PKP4: variants seen among roughly 807,000 people sequenced by gnomAD.
PKP4 encodes plakophilin-4.
In PKP4, 90 loss-of-function variants were observed where a neutral mutation model predicts 145.1. The observed-to-expected ratio is 0.62, with a 90% CI of 0.52 to 0.74. The LOEUF is 0.74. Among genes scored for constraint, PKP4 ranks in the 30% least tolerant of loss-of-function variants. PKP4 has a pLI of 0.00. For missense variants in PKP4, 1,340 were observed against 1,482.7 expected, an observed-to-expected ratio of 0.90 and a Z score of 1.58; for synonymous variants, 563 against 577.2, an observed-to-expected ratio of 0.98 and a Z score of 0.35.
At chr2:158,566,506 T>G (rs2047003417) in intron 2 of PKP4, among the ~76,000 whole-genome samples, 1 of 146,080 alleles carries the variant, frequency 6.8e-6, no homozygotes, top group Non-Finnish European at 1.5e-5. Context: ...CCCAAATTGT[T>G]CATGTTAAGT....
chr2:158,554,891 G>A (rs996993908), intron 2 of PKP4, among the ~76,000 whole-genome samples: 2 of 152,144 alleles, frequency 1.3e-5, no homozygotes, highest in African/African-American at 4.8e-5. Context: ...GTACAAAGAT[G>A]TTAGGTAGCA....
In PKP4 at chr2:158,678,038, C is replaced by T. The variant is rs1303459410; in HGVS notation, c.3257-543C>T. ...CAATTATCTCATTATTACCAAGTTC[C>T]TTTTGTATTAAAACATACTTAAATA... On this transcript the variant is annotated intron_variant, in intron 20 of 21. Transcript: ENST00000389759. 2.1e-5 allele frequency among the ~76,000 whole-genome samples: 3 copies of T among 144,566 alleles called. No homozygotes were observed. The East Asian group carries it at 5.9e-4, about 29-fold the overall frequency. 94.8% of individuals were successfully genotyped at this position (144,566 alleles called of 152,430 possible). A position where few individuals can be genotyped will look rare whatever the true frequency, so the allele number is the denominator to read the frequency against.
At chr2:158,548,239 G>C (rs1338271771) in intron 2 of PKP4, among the ~76,000 whole-genome samples, 1 of 152,116 alleles carries the variant, frequency 6.6e-6, no homozygotes, top group Non-Finnish European at 1.5e-5. Flanking sequence ...TATGCTTCAA[G>C]AGTATTTTAA....
chr2:158,587,638 A>T (rs1574641481), intron 3 of PKP4, among the ~76,000 whole-genome samples: 2 of 152,058 alleles, frequency 1.3e-5, no homozygotes, highest in South Asian at 2.1e-4. Context: ...TCTGGGTTTT[A>T]AAATCTTCTT....
At chr2:158,489,644 C>T (rs974784152) in intron 1 of PKP4, among the ~76,000 whole-genome samples, 3 of 152,184 alleles carry the variant, frequency 2.0e-5, no homozygotes, top group African/African-American at 7.2e-5. Context: ...TTTATTAACC[C>T]TTTCTTTTCA....
intron 11 of PKP4, among the ~76,000 whole-genome samples, chr2:158,652,660 A>G (rs975273548): frequency 6.6e-6 from 1 of 152,034 alleles, no homozygotes; most frequent in Non-Finnish European, 1.5e-5. Flanking sequence ...TAATATTTCT[A>G]CCCCCATTTT....
chr2:158,562,960 T>C (rs1367749352), intron 2 of PKP4, among the ~76,000 whole-genome samples: 1 of 152,158 alleles, frequency 6.6e-6, no homozygotes, highest in Non-Finnish European at 1.5e-5. Context: ...TAGCAATTTA[T>C]GGAAGAAATT....
At chr2:158,535,760 G>T (rs531108429) in intron 2 of PKP4, among the ~76,000 whole-genome samples, 1 of 152,038 alleles carries the variant, frequency 6.6e-6, no homozygotes, top group South Asian at 2.1e-4. Context: ...CTGCCATGCC[G>T]TAATGGTATC....
rs545719991 is a variant in PKP4, at chr2:158,674,127, C to T, written c.3127+127C>T. ...CCAACACTACCCATGCAGCAGAGAA[C>T]CTTCTGTAGGAATCACACACCATTA... is the stretch of plus-strand genomic sequence containing the variant. On this transcript the variant is annotated intron_variant, in intron 19 of 21. Coordinates refer to ENST00000389759, the MANE Select transcript of PKP4 (RefSeq NM_003628.6). 6.2e-5 allele frequency: 46 copies of T among 739,574 alleles called. No homozygotes were observed. In the Admixed American group the frequency reaches 8.5e-4, roughly 14 times the overall value. The allele number at this position is 739,574 out of a possible 1,614,324, so 45.8% of individuals were successfully genotyped here.
intron 11 of PKP4, among the ~76,000 whole-genome samples, chr2:158,657,410 T>G (rs1329909748): frequency 6.6e-6 from 1 of 152,210 alleles, no homozygotes; most frequent in African/African-American, 2.4e-5. Context: ...TTGATATGAA[T>G]TACAATACAG....
At chr2:158,535,573 C>A (rs1440343280) in intron 2 of PKP4, among the ~76,000 whole-genome samples, 1 of 151,980 alleles carries the variant, frequency 6.6e-6, no homozygotes, top group Non-Finnish European at 1.5e-5. Context: ...CCGTGCCCAG[C>A]TAATTTTTAG....
intron 11 of PKP4, among the ~76,000 whole-genome samples, chr2:158,655,437 C>T (rs2055816699): frequency 6.6e-6 from 1 of 152,130 alleles, no homozygotes; most frequent in African/African-American, 2.4e-5. Flanking sequence ...TGACTGCAAT[C>T]AGAGAATTTC....
chr2:158,623,932 T>C (rs376263713), intron 6 of PKP4, among the ~76,000 whole-genome samples: 3 of 152,204 alleles, frequency 2.0e-5, no homozygotes, highest in South Asian at 4.1e-4. Flanking sequence ...CCATTCCTTT[T>C]TATTGTTGCA....
At chr2:158,496,889 T>C (rs1695822309) in intron 1 of PKP4, among the ~76,000 whole-genome samples, 1 of 152,004 alleles carries the variant, frequency 6.6e-6, no homozygotes, top group African/African-American at 2.4e-5. Context: ...CTATTATGAA[T>C]TCTTCCTGTA....
At chr2:158,644,452 G>A (rs1186081274) in intron 11 of PKP4, among the ~76,000 whole-genome samples, 1 of 152,126 alleles carries the variant, frequency 6.6e-6, no homozygotes, top group Non-Finnish European at 1.5e-5. Flanking sequence ...ATTGATGACA[G>A]CATTGCTTGT....
At chr2:158,584,274 C>G (rs572230868) in intron 3 of PKP4, among the ~76,000 whole-genome samples, 1 of 152,190 alleles carries the variant, frequency 6.6e-6, no homozygotes, top group African/African-American at 2.4e-5. Context: ...CAGCCAAGCA[C>G]GTACACCAAA....
intron 1 of PKP4, among the ~76,000 whole-genome samples, chr2:158,518,556 G>T (rs1463043332): frequency 6.6e-6 from 1 of 151,958 alleles, no homozygotes; most frequent in Non-Finnish European, 1.5e-5. Flanking sequence ...CTCCTCTCAT[G>T]TTGAGACTAC....
intron 1 of PKP4, among the ~76,000 whole-genome samples, chr2:158,520,048 T>C (rs145990871): frequency 1.5e-4 from 23 of 152,322 alleles, no homozygotes; most frequent in African/African-American, 5.1e-4. Flanking sequence ...CTTTCCTCTA[T>C]ATAAGAAGTA....
At chr2:158,477,513 G>A (rs1041390554) in intron 1 of PKP4, among the ~76,000 whole-genome samples, 8 of 152,194 alleles carry the variant, frequency 5.3e-5, no homozygotes, top group Admixed American at 1.3e-4. Flanking sequence ...CTCCTGTACC[G>A]TTGAGTTAGT....
Sources: gnomAD v4.1 joint callset for allele counts (sites outside exome capture counted in the v4.1 genomes callset) on GRCh38, gnomAD v4.1.1 for gene constraint, MANE v1.5 for transcripts, NCBI Gene and HGNC (gene_info 2026-07-23, HGNC 2026-07-21) for gene names.